The following RTL4 variants were observed in gnomAD, a reference collection of about 807,000 sequenced individuals.
The protein encoded by RTL4 is retrotransposon Gag like 4, also known as retrotransposon Gag-like protein 4.
A neutral mutation model predicts 5.3 loss-of-function variants in RTL4; 4 were observed. The observed-to-expected ratio is 0.75, with a 90% CI of 0.37 to 1.72. RTL4 has a LOEUF of 1.72. Among genes scored for constraint, RTL4 ranks in the 40% most tolerant of loss-of-function variants. RTL4 has a pLI of 0.04. For missense variants in RTL4, 260 were observed against 227.1 expected, an observed-to-expected ratio of 1.14 and a Z score of -0.93; for synonymous variants, 98 against 87.3, an observed-to-expected ratio of 1.12 and a Z score of -0.68.
the RTL4 span, among the ~76,000 whole-genome samples, chrX:112,153,175 C>T: frequency 1.8e-5 from 2 of 111,930 alleles, no homozygotes; most frequent in African/African-American, 6.5e-5. Context: ...CATATTCTGT[C>T]CAAGTTTCTA....
chrX:112,403,287 AC>A, the RTL4 span, among the ~76,000 whole-genome samples: 2 of 112,290 alleles, frequency 1.8e-5, no homozygotes, highest in Non-Finnish European at 3.8e-5. Flanking sequence ...CGTAGGAACC[AC>A]AAATTTCACC....
chrX:112,118,783 T>C, the RTL4 span, among the ~76,000 whole-genome samples: 3 of 112,196 alleles, frequency 2.7e-5, no homozygotes, highest in Non-Finnish European at 5.6e-5. Context: ...GATGAGATTA[T>C]AGATATTTTA....
chrX:112,398,399 T>TC, the RTL4 span, among the ~76,000 whole-genome samples: 3 of 91,819 alleles, frequency 3.3e-5, no homozygotes, highest in Non-Finnish European at 4.3e-5. Context: ...TTTCTTTCTT[T>TC]TTTTTTTTTT....
the RTL4 span, among the ~76,000 whole-genome samples, chrX:112,332,176 G>A: frequency 9.1e-6 from 1 of 109,568 alleles, no homozygotes; most frequent in South Asian, 4.0e-4. Context: ...AAAAAGTCAG[G>A]AAACAACAGG....
the RTL4 span, among the ~76,000 whole-genome samples, chrX:112,105,351 GATTGCTTTCATT>G: frequency 9.0e-6 from 1 of 111,314 alleles, no homozygotes; most frequent in Admixed American, 9.6e-5. Flanking sequence ...TTTTGCTCAA[GATTGCTTTCATT>G]ATTCTGGTTT....
chrX:112,119,892 T>C, the RTL4 span, among the ~76,000 whole-genome samples: 1 of 112,401 alleles, frequency 8.9e-6, no homozygotes, highest in Non-Finnish European at 1.9e-5. Context: ...ATAATGTTCA[T>C]CTGTTAATCA....
At chrX:112,234,439 C>T in the RTL4 span, among the ~76,000 whole-genome samples, 1 of 110,921 alleles carries the variant, frequency 9.0e-6, no homozygotes, top group Admixed American at 9.6e-5. Context: ...AGTTGAATTT[C>T]CTGGGGGAGT....
the RTL4 span, among the ~76,000 whole-genome samples, chrX:112,263,995 G>T: frequency 9.0e-6 from 1 of 111,551 alleles, no homozygotes; most frequent in African/African-American, 3.3e-5. Context: ...GGGTGTGGTT[G>T]CTGGATAAGA....
the RTL4 span, among the ~76,000 whole-genome samples, chrX:112,288,609 G>A: frequency 8.9e-6 from 1 of 112,084 alleles, no homozygotes; most frequent in African/African-American, 3.2e-5. Flanking sequence ...GCTGTAGTGA[G>A]AAATAACTTG....
the RTL4 span, among the ~76,000 whole-genome samples, chrX:112,380,553 G>T: frequency 8.9e-6 from 1 of 112,167 alleles, no homozygotes; most frequent in Non-Finnish European, 1.9e-5. Flanking sequence ...AGTTTGGATT[G>T]TTTCCAGTTT....
the RTL4 span, among the ~76,000 whole-genome samples, chrX:112,314,056 C>A: frequency 9.0e-6 from 1 of 111,536 alleles, no homozygotes; most frequent in African/African-American, 3.3e-5. Context: ...GAAAGTTATG[C>A]TCATCATCAT....
chrX:112,212,165 G>A, the RTL4 span, among the ~76,000 whole-genome samples: 9 of 111,594 alleles, frequency 8.1e-5, no homozygotes, highest in South Asian at 7.6e-4. Flanking sequence ...TCACGAGGTC[G>A]GGAGATCAAG....
the RTL4 span, among the ~76,000 whole-genome samples, chrX:112,126,933 A>T: frequency 8.9e-6 from 1 of 111,993 alleles, no homozygotes; most frequent in Non-Finnish European, 1.9e-5. Flanking sequence ...AGTAATCAAA[A>T]ACATCCCAAA....
chrX:112,390,105 TAATATA>T, the RTL4 span, among the ~76,000 whole-genome samples: 4 of 40,536 alleles, frequency 9.9e-5, no homozygotes, highest in East Asian at 3.0e-3. Context: ...CATTTATATA[TAATATA>T]TATATATATA....
At chrX:112,095,099 G>A in the RTL4 span, among the ~76,000 whole-genome samples, 20 of 111,398 alleles carry the variant, frequency 1.8e-4, no homozygotes, top group Admixed American at 1.8e-3. Flanking sequence ...CAAGAAAAAG[G>A]CAGGATTAAC....
chrX:112,110,676 A>T, the RTL4 span, among the ~76,000 whole-genome samples: 1 of 111,715 alleles, frequency 9.0e-6, no homozygotes. Context: ...GGTATAGATG[A>T]CTCCTTCCTG....
chrX:112,290,272 A>G, the RTL4 span, among the ~76,000 whole-genome samples: 1 of 112,340 alleles, frequency 8.9e-6, no homozygotes, highest in Admixed American at 9.5e-5. Context: ...ATTTCCTGAT[A>G]GCCATGAGAA....
the RTL4 span, among the ~76,000 whole-genome samples, chrX:112,262,909 C>T: frequency 9.3e-5 from 10 of 107,799 alleles, no homozygotes; most frequent in Admixed American, 7.9e-4. Flanking sequence ...ATGGATGAAG[C>T]TGGAAACCAT....
the RTL4 span, among the ~76,000 whole-genome samples, chrX:112,388,291 T>G: frequency 1.8e-5 from 2 of 112,314 alleles, no homozygotes; most frequent in Non-Finnish European, 1.9e-5. Context: ...CTGAAATTGT[T>G]TATCATCTGT....
Sources: gnomAD v4.1 joint callset for allele counts (sites outside exome capture counted in the v4.1 genomes callset) on GRCh38, gnomAD v4.1.1 for gene constraint, MANE v1.5 for transcripts, NCBI Gene and HGNC (gene_info 2026-07-23, HGNC 2026-07-21) for gene names.